DBT: variants seen among roughly 807,000 people sequenced by gnomAD.
DBT encodes lipoamide acyltransferase component of branched-chain alpha-keto acid dehydrogenase complex, mitochondrial.
Under a neutral mutation model 51.3 loss-of-function variants are expected in DBT, and 40 were observed. The ratio of observed to expected loss-of-function variants is 0.78; its 90% CI spans 0.61 to 1.02. The LOEUF (loss-of-function observed/expected upper bound fraction) is 1.02. Ranked by LOEUF, DBT falls within the 50% of genes least tolerant of loss-of-function variation. The probability of loss-of-function intolerance (pLI) is 0.00; values close to 1 mark genes in which losing one functional copy is unlikely to be tolerated. For synonymous variants in DBT, 181 were observed against 190.4 expected (o/e 0.95, Z 0.41); for missense variants, 510 against 580.2 (o/e 0.88, Z 1.24).
chr1:100,188,841 A>G lies in DBT; in HGVS notation c.*7414T>C, dbSNP rs190432589. ...TGGCTCTCCTCTGGACTCTCTCCAAATTCTCCTGCTCAGTTTTAGCAAGCT... is the reference window on the plus strand; with the variant it reads ...TGGCTCTCCTCTGGACTCTCTCCAAGTTCTCCTGCTCAGTTTTAGCAAGCT... On this transcript the variant is annotated 3_prime_UTR_variant, in exon 11 of 11. Coordinates refer to ENST00000370132, the MANE Select transcript of DBT (RefSeq NM_001918.5). 1.7e-3 allele frequency: 254 copies of G among 152,432 alleles called. No individual in the cohort carries two copies. Among genetic ancestry groups the G allele is most frequent in the African/African-American group, 5.8e-3 (241 of 41,536 alleles). The allele number at this position is 152,432 out of a possible 1,614,324, so 9.4% of individuals were successfully genotyped here.
At chr1:100,217,532 C>G (rs902498457) in intron 5 of DBT, among the ~76,000 whole-genome samples, 4 of 152,158 alleles carry the variant, frequency 2.6e-5, no homozygotes, top group African/African-American at 9.7e-5. Context: ...TGGGATAGTT[C>G]CCCAGTGGCA....
chr1:100,213,321 G>GGCC, intron 7 of DBT: 2 of 1,499,078 alleles, frequency 1.3e-6, no homozygotes, highest in Non-Finnish European at 8.9e-7. Flanking sequence ...CTGCAGGAGC[G>GGCC]GCCGCCCGCC....
intron 2 of DBT, among the ~76,000 whole-genome samples, chr1:100,239,851 C>CAAAAAAAAAAAAAA (rs56661922): frequency 3.6e-5 from 4 of 111,158 alleles, no homozygotes; most frequent in African/African-American, 1.5e-4. Context: ...CAACAGAGCT[C>CAAAAAAAAAAAAAA]AAAAAAAAAA....
intron 7 of DBT, chr1:100,213,693 T>C: frequency 6.2e-7 from 1 of 1,603,740 alleles, no homozygotes; most frequent in Non-Finnish European, 8.5e-7. Context: ...GCTCGGCCTT[T>C]CCTACACCCA....
chr1:100,209,741 T>C (rs1448024690), intron 8 of DBT, among the ~76,000 whole-genome samples: 1 of 151,958 alleles, frequency 6.6e-6, no homozygotes, highest in East Asian at 2.0e-4. Flanking sequence ...TTTGTATTTT[T>C]AGTAGAGACA....
intron 4 of DBT, among the ~76,000 whole-genome samples, chr1:100,219,748 C>CA (rs1228164145): frequency 6.0e-5 from 9 of 150,344 alleles, no homozygotes; most frequent in South Asian, 2.1e-4. Context: ...GACCCAGTCT[C>CA]AAAAAAAACC....
chr1:100,249,817 C>A lies in DBT; in HGVS notation c.4G>T (p.Ala2Ser), dbSNP rs760664814. 3.7e-6 allele frequency: 6 copies of A among 1,614,184 alleles called. No individual in the cohort carries two copies. The highest frequency in any genetic ancestry group is 5.1e-6 in the Non-Finnish European group (6 of 1,180,002). Residue 2 changes from alanine to serine, a missense_variant, in exon 1 of 11, where the codon GCT becomes TCT. Physicochemically the swap from Ala to Ser is moderately conservative, Grantham distance 99 (BLOSUM62 1). Transcript: ENST00000370132. The part of the protein sequence containing the change: M[A>S]AVRMLRTWSR... Reference sequence around the variant, plus strand: ...CAGGTTCTCAGCATACGGACTGCAGCCATCTTACCCCGGAAATGACAACAG... The same window carrying A: ...CAGGTTCTCAGCATACGGACTGCAGACATCTTACCCCGGAAATGACAACAG...
Position 100,194,916 on chromosome 1 carries a change from AAAC to A in DBT, c.*1336_*1338del, listed in dbSNP as rs1661002395. The A allele has an allele frequency of 6.6e-6, 1 of 152,240 alleles. No individual in the cohort carries two copies. The highest frequency in any genetic ancestry group is 1.5e-5 in the Non-Finnish European group (1 of 68,038). 9.4% of individuals were successfully genotyped at this position (152,240 alleles called of 1,614,324 possible). A position where few individuals can be genotyped will look rare whatever the true frequency, so the allele number is the denominator to read the frequency against. On this transcript the variant is annotated 3_prime_UTR_variant, in exon 11 of 11. Transcript: ENST00000370132. ...ACAGTTTTCAACTGGACAATATTAG[AAAC>A]AACATGGATTTCCGAATGCAAATTG...
At chr1:100,197,105 G>A (rs1394023598) in intron 10 of DBT, 1 of 156,430 alleles carries the variant, frequency 6.4e-6, no homozygotes, top group Non-Finnish European at 1.4e-5. Context: ...CAAAAAAAAT[G>A]TAGACAAAAT....
At chr1:100,200,268 C>A (rs1434345295) in intron 10 of DBT, among the ~76,000 whole-genome samples, 2 of 152,192 alleles carry the variant, frequency 1.3e-5, no homozygotes, top group Non-Finnish European at 2.9e-5. Context: ...GTCTTCCCCT[C>A]ACAGTGTAAA....
At chr1:100,246,987 G>T (rs577308086) in intron 1 of DBT, among the ~76,000 whole-genome samples, 2 of 152,052 alleles carry the variant, frequency 1.3e-5, no homozygotes, top group African/African-American at 4.8e-5. Flanking sequence ...CATGTGCAAA[G>T]GTCTGGAGTT....
intron 8 of DBT, chr1:100,210,485 T>A: frequency 1.6e-6 from 1 of 631,088 alleles, no homozygotes; most frequent in Non-Finnish European, 2.5e-6. Context: ...AAAAAAAAGC[T>A]TAAAAATAGT....
At chr1:100,208,627 A>G (rs1661937175) in intron 8 of DBT, among the ~76,000 whole-genome samples, 1 of 152,006 alleles carries the variant, frequency 6.6e-6, no homozygotes, top group Admixed American at 6.6e-5. Context: ...GGCTGGGCAC[A>G]GTGGCTCATG....
intron 8 of DBT, among the ~76,000 whole-genome samples, chr1:100,209,098 CTT>C (rs10707303): frequency 1.1e-3 from 149 of 134,296 alleles, no homozygotes; most frequent in Middle Eastern, 3.6e-3. Flanking sequence ...CTTTTCTTTT[CTT>C]TTTTTTTTTT....
chr1:100,224,380 T>C (rs1318916758), intron 4 of DBT, among the ~76,000 whole-genome samples: 1 of 152,212 alleles, frequency 6.6e-6, no homozygotes, highest in Non-Finnish European at 1.5e-5. Context: ...AAATGAAGCA[T>C]ATATAAATTT....
At position 100,240,885 on chromosome 1, in the gene DBT, C is replaced by T. The variant is rs755914063; in HGVS notation, c.52-1G>A. ...ATGTTTGAAAATAGCGAACACAAAT[C>T]TACAGATGAGAAAACAAAAAGTAAA... On this transcript the variant is annotated splice_acceptor_variant, in intron 1 of 10. Coordinates refer to ENST00000370132, the MANE Select transcript of DBT (RefSeq NM_001918.5). LOFTEE classifies it high-confidence loss of function. 1.9e-6 allele frequency: 3 copies of T among 1,613,080 alleles called. No individual in the cohort carries two copies. In the African/African-American group the frequency reaches 4.0e-5, roughly 22 times the overall value.
At chr1:100,218,602 G>C (rs759155111) in intron 5 of DBT, 24 bp downstream of exon 5, 1 of 1,613,196 alleles carries the variant, frequency 6.2e-7, no homozygotes, top group East Asian at 2.2e-5. Flanking sequence ...TACAATCTCA[G>C]ACTTAAATAT....
chr1:100,196,574 T>C, intron 10 of DBT, 152 bp from the exon 11 acceptor site: 1 of 1,194,078 alleles, frequency 8.4e-7, no homozygotes, highest in South Asian at 1.6e-5. Context: ...CAATGACTTT[T>C]GAAAATGCTG....
chr1:100,201,789 C>A lies in DBT; in HGVS notation c.1281+4441G>T, dbSNP rs532749282. On this transcript the variant is annotated intron_variant, in intron 10 of 10. Coordinates refer to ENST00000370132, the MANE Select transcript of DBT (RefSeq NM_001918.5). ...GAAAAGAATTTTCACCCCAGAATTT[C>A]ATATCCAGCTAAACTAAGCTTCATA... Among the ~76,000 whole-genome samples, 7 of 152,270 alleles carry A rather than the reference C, an allele frequency of 4.6e-5. No individual in the cohort carries two copies. In the South Asian group the frequency reaches 1.5e-3, roughly 32 times the overall value.
Sources: gnomAD v4.1 joint callset for allele counts (sites outside exome capture counted in the v4.1 genomes callset) on GRCh38, gnomAD v4.1.1 for gene constraint, MANE v1.5 for transcripts, NCBI Gene and HGNC (gene_info 2026-07-23, HGNC 2026-07-21) for gene names.